LRRK2: variants seen among roughly 807,000 people sequenced by gnomAD.
The protein encoded by LRRK2 is leucine rich repeat kinase 2.
In LRRK2, 203 loss-of-function variants were observed where a neutral mutation model predicts 302.6. The ratio of observed to expected loss-of-function variants is 0.67; its 90% CI spans 0.60 to 0.75. The LOEUF (loss-of-function observed/expected upper bound fraction) is 0.75, where lower values mean the gene tolerates loss of function less well. LRRK2 is among the 30% of genes least tolerant of loss of function. LRRK2 has a pLI of 0.00. For synonymous variants in LRRK2, 1,066 were observed against 1,031.9 expected, an observed-to-expected ratio of 1.03 and a Z score of -0.63; for missense variants, 2,830 against 2,951.0, an observed-to-expected ratio of 0.96 and a Z score of 0.95.
intron 47 of LRRK2, among the ~76,000 whole-genome samples, chr12:40,359,758 G>A (rs1281169058): frequency 3.9e-5 from 6 of 151,940 alleles, no homozygotes; most frequent in Non-Finnish European, 8.8e-5. Context: ...ACATGAAATT[G>A]GAAGACAATC....
chr12:40,272,452 C>T (rs905769355), intron 14 of LRRK2, among the ~76,000 whole-genome samples: 6 of 152,008 alleles, frequency 3.9e-5, no homozygotes, highest in African/African-American at 7.3e-5. Flanking sequence ...AATAGTGTGT[C>T]GACATCACAA....
Position 40,240,635 on chromosome 12 carries a change from G to T in LRRK2, c.706+18G>T. 6.2e-7 allele frequency: 1 copy of T among 1,609,864 alleles called. No homozygotes were observed. Among genetic ancestry groups the T allele is most frequent in the Non-Finnish European group, 8.5e-7 (1 of 1,176,920 alleles). On this transcript the variant is annotated intron_variant, in intron 6 of 50. Coordinates refer to ENST00000298910, the MANE Select transcript of LRRK2 (RefSeq NM_198578.4). ...GATTCCTTGTAAGTAGCATTTAAATGTTATTTATTTTTTGTATCTGAAAAA... is the reference window on the plus strand; with the variant it reads ...GATTCCTTGTAAGTAGCATTTAAATTTTATTTATTTTTTGTATCTGAAAAA...
At chr12:40,280,670 T>C (rs1191256188) in intron 18 of LRRK2, among the ~76,000 whole-genome samples, 1 of 84,582 alleles carries the variant, frequency 1.2e-5, no homozygotes, top group African/African-American at 4.7e-5. Context: ...AATAATATAA[T>C]AAGGCTGAGG....
rs772276009 is a variant in LRRK2, at chr12:40,305,845, G to A, written c.3838G>A (p.Glu1280Lys). 4 of 1,613,406 alleles carry A rather than the reference G, an allele frequency of 2.5e-6. No individual in the cohort carries two copies. Among genetic ancestry groups the A allele is most frequent in the African/African-American group, 1.3e-5 (1 of 74,834 alleles). ...LTSLDVSYNL[E>K]LRSFPNEMGK... ...ATCTCTGGATGTCAGTTACAACTTG[G>A]AACTAAGATCCTTTCCCAATGAAAT... is the stretch of plus-strand genomic sequence containing the variant. Residue 1280 changes from glutamate to lysine, a missense_variant, in exon 28 of 51, where the codon GAA (glutamate) becomes AAA (lysine). By Grantham distance (56) the Glu-to-Lys change is moderately conservative. Coordinates refer to ENST00000298910, the MANE Select transcript of LRRK2 (RefSeq NM_198578.4).
intron 41 of LRRK2, among the ~76,000 whole-genome samples, chr12:40,342,744 T>A (rs1200031710): frequency 6.6e-6 from 1 of 152,224 alleles, no homozygotes; most frequent in African/African-American, 2.4e-5. Flanking sequence ...ATCTTCCTGT[T>A]AATGTTACAT....
intron 45 of LRRK2, among the ~76,000 whole-genome samples, chr12:40,355,543 T>TC (rs552326490): frequency 0.35 from 30,799 of 89,094 alleles, 5,592 homozygotes; most frequent in Middle Eastern, 0.51. Context: ...CTTCCTTCCT[T>TC]CTTCTTTTTT....
intron 14 of LRRK2, among the ~76,000 whole-genome samples, chr12:40,265,857 A>G (rs1942987720): frequency 6.6e-6 from 1 of 152,156 alleles, no homozygotes; most frequent in Non-Finnish European, 1.5e-5. Context: ...GCATATCTAC[A>G]ACCATCTGAT....
In LRRK2 at chr12:40,287,554, A is replaced by G. The variant is rs749483307; in HGVS notation, c.2689+15A>G. On this transcript the variant is annotated intron_variant, in intron 20 of 50. Transcript: ENST00000298910. ...GGATAGTGAAGGTATTTATTATAAA[A>G]AAAAACCCTTTATGCTTTATATTTA... 1.9e-6 allele frequency: 3 copies of G among 1,610,592 alleles called. No homozygotes were observed. Among genetic ancestry groups the G allele is most frequent in the Non-Finnish European group, 2.5e-6 (3 of 1,177,650 alleles).
In LRRK2 at chr12:40,351,537, A is replaced by C; in HGVS notation, c.6382-2A>C. ...TGTTTTGTTATCTTTAAACTTTCTC[A>C]GGTCTTTGACATTTTGAATTCAGCT... On this transcript the variant is annotated splice_acceptor_variant, in intron 43 of 50. Coordinates refer to ENST00000298910, the MANE Select transcript of LRRK2 (RefSeq NM_198578.4). LOFTEE classifies it high-confidence loss of function. 1 of 1,613,918 alleles carries C rather than the reference A, an allele frequency of 6.2e-7. No individual in the cohort carries two copies. Among genetic ancestry groups the C allele is most frequent in the East Asian group, 2.2e-5 (1 of 44,882 alleles).
intron 7 of LRRK2, among the ~76,000 whole-genome samples, chr12:40,244,741 G>T (rs1479353585): frequency 1.7e-5 from 2 of 116,712 alleles, no homozygotes; most frequent in East Asian, 3.0e-4. Flanking sequence ...TGTGGGGTGG[G>T]GGGAGGGGGG....
intron 2 of LRRK2, among the ~76,000 whole-genome samples, chr12:40,229,951 G>A (rs1941091521): frequency 9.4e-6 from 1 of 106,868 alleles, no homozygotes; most frequent in South Asian, 3.6e-4. Context: ...GGCATCCTAT[G>A]TGACTTTTTT....
In LRRK2 at chr12:40,277,965, A is replaced by G; in HGVS notation, c.2019A>G (p.Leu673=). Residue 673 remains leucine (L), a synonymous_variant, in exon 17 of 51, where the codon TTA becomes TTG. Transcript: ENST00000298910. The stretch of plus-strand genomic sequence containing the variant: ...TGCTGGTGCATCATTCATTTGACTT[A>G]GTAATATTCCATCAAATGTCTTCCA... ...SKLLVHHSFD[L]VIFHQMSSNI... 1 of 1,613,498 alleles carries G rather than the reference A, an allele frequency of 6.2e-7. No individual in the cohort carries two copies.
In LRRK2 at chr12:40,225,558, C is replaced by T. The variant is rs72546335; in HGVS notation, c.155C>T (p.Ser52Phe). ...LLVFTYSERA[S>F]KLFQGKNIHV... ...TCCCCACCCACTTGTTTTCCAGCCTCCAAGTTATTTCAAGGCAAAAATATC... is the reference window on the plus strand; with the variant it reads ...TCCCCACCCACTTGTTTTCCAGCCTTCAAGTTATTTCAAGGCAAAAATATC... Residue 52 changes from serine to phenylalanine, a missense_variant, in exon 2 of 51, where the codon TCC becomes TTC. By Grantham distance (155) the Ser-to-Phe change is radical. This residue lies in a region of LRRK2 where 2,121 missense variants were observed against 2,148.0 expected (regional missense o/e 0.99). Transcript: ENST00000298910. 1.1e-5 allele frequency: 17 copies of T among 1,613,576 alleles called. No individual in the cohort carries two copies. In the Admixed American group the frequency reaches 2.0e-4, roughly 19 times the overall value.
At chr12:40,283,037 A>AT (rs201746985) in intron 18 of LRRK2, among the ~76,000 whole-genome samples, 10 of 148,258 alleles carry the variant, frequency 6.7e-5, no homozygotes, top group African/African-American at 1.8e-4. Context: ...ATGGCATAGG[A>AT]TTTTTTTAAA....
At chr12:40,273,128 C>T (rs980873885) in intron 14 of LRRK2, among the ~76,000 whole-genome samples, 1 of 152,136 alleles carries the variant, frequency 6.6e-6, no homozygotes, top group Non-Finnish European at 1.5e-5. Flanking sequence ...ACCAAACCAG[C>T]CTTCCAATTT....
At chr12:40,276,201 T>C (rs1943443425) in intron 16 of LRRK2, among the ~76,000 whole-genome samples, 1 of 152,222 alleles carries the variant, frequency 6.6e-6, no homozygotes, top group Non-Finnish European at 1.5e-5. Flanking sequence ...TCAGTTACTC[T>C]GGATTAATTC....
Position 40,249,935 on chromosome 12 carries a change from G to C in LRRK2, c.948G>C (p.Leu316Phe), listed in dbSNP as rs1942178879. ...TGCAGATCTCAGCGCTCAGCTGTTT[G>C]GCCCTCCTCAGTAAGTAACTTCACT... The part of the protein sequence containing the change: ...AALQISALSC[L>F]ALLTETIFLN... Residue 316 changes from leucine to phenylalanine, a missense_variant, in exon 8 of 51, where the codon TTG becomes TTC. By Grantham distance (22) the Leu-to-Phe change is conservative. Coordinates refer to ENST00000298910, the MANE Select transcript of LRRK2 (RefSeq NM_198578.4). 6.2e-7 allele frequency: 1 copy of C among 1,613,664 alleles called. No individual in the cohort carries two copies. Among genetic ancestry groups the C allele is most frequent in the Non-Finnish European group, 8.5e-7 (1 of 1,179,760 alleles).
In LRRK2 at chr12:40,287,383, A is replaced by G. The variant is rs1943970238; in HGVS notation, c.2533A>G (p.Arg845Gly). 4 of 1,612,464 alleles carry G rather than the reference A, an allele frequency of 2.5e-6. No homozygotes were observed. The African/African-American group carries it at 4.0e-5, about 16-fold the overall frequency. Residue 845 changes from arginine to glycine, a missense_variant, in exon 20 of 51, where the codon AGA becomes GGA. Arg to Gly is a moderately radical substitution (Grantham distance 125, BLOSUM62 -2). This residue lies in a region of LRRK2 where 2,121 missense variants were observed against 2,148.0 expected (regional missense o/e 0.99). Transcript: ENST00000298910. ...IASTLARMVI[R>G]YQMKSAVEEG... ...ATCTACACTAGCAAGAATGGTGATC[A>G]GATATCAGATGAAAAGTGCTGTGGA...
In LRRK2 at chr12:40,273,919, G is replaced by A. The variant is rs145766075; in HGVS notation, c.1657-664G>A. 3.5e-3 allele frequency among the ~76,000 whole-genome samples: 530 copies of A among 152,130 alleles called. 6 individuals carry two copies. Among genetic ancestry groups the A allele is most frequent in the African/African-American group, 0.012 (513 of 41,470 alleles). Reference sequence around the variant, plus strand: ...ATACCTTCATAGTGTCAAATCATCTGGAGGAAATTCAGATTAAAGAGGTTG... The same window carrying A: ...ATACCTTCATAGTGTCAAATCATCTAGAGGAAATTCAGATTAAAGAGGTTG... On this transcript the variant is annotated intron_variant, in intron 14 of 50. Coordinates refer to ENST00000298910, the MANE Select transcript of LRRK2 (RefSeq NM_198578.4).
Sources: allele counts gnomAD v4.1 joint callset (sites outside exome capture counted in the v4.1 genomes callset), GRCh38; gene constraint gnomAD v4.1.1; regional missense constraint gnomAD v4.1.1; transcripts MANE v1.5; gene names NCBI Gene and HGNC (gene_info 2026-07-23, HGNC 2026-07-21).